Variants in LRRC4C observed in about 807,000 individuals in gnomAD.
LRRC4C encodes the protein leucine rich repeat containing 4C, also known as leucine-rich repeat-containing protein 4C.
LRRC4C carries 5 observed loss-of-function variants against 33.6 expected under a neutral mutation model. The ratio of observed to expected loss-of-function variants is 0.15; its 90% confidence interval spans 0.08 to 0.31. The LOEUF (loss-of-function observed/expected upper bound fraction) is 0.31. LRRC4C is among the 10% of genes least tolerant of loss of function. LRRC4C has a pLI of 1.00. For missense variants in LRRC4C, 560 were observed against 796.7 expected (o/e 0.70, Z 3.58); for synonymous variants, 329 against 302.0 (o/e 1.09, Z -0.93).
intron 3 of LRRC4C, among the ~76,000 whole-genome samples, chr11:40,515,650 C>G (rs1178074574): frequency 6.6e-6 from 1 of 151,960 alleles, no homozygotes; most frequent in Non-Finnish European, 1.5e-5. Context: ...CTGTACTAGA[C>G]TGTAAGACTT....
At chr11:40,280,079 A>C (rs951014330) in intron 4 of LRRC4C, among the ~76,000 whole-genome samples, 3 of 152,194 alleles carry the variant, frequency 2.0e-5, no homozygotes, top group African/African-American at 7.2e-5. Flanking sequence ...AAAAGGAAAC[A>C]TCTGGGTGCC....
chr11:41,290,193 A>G lies in LRRC4C; in HGVS notation c.-496+169238T>C, dbSNP rs953565892. Among the ~76,000 whole-genome samples, 14 of 152,334 alleles carry G rather than the reference A, an allele frequency of 9.2e-5. No homozygotes were observed. The East Asian group carries it at 1.5e-3, about 17-fold the overall frequency. On this transcript the variant is annotated intron_variant, in intron 1 of 6. Coordinates refer to ENST00000528697, the MANE Select transcript of LRRC4C (RefSeq NM_001258419.2). ...GAAAGATTTCCCATAATGACAAGAA[A>G]GCAGTTAGTTTAATGATGTAGTATG...
intron 1 of LRRC4C, among the ~76,000 whole-genome samples, chr11:41,113,052 T>C (rs769657501): frequency 5.3e-5 from 8 of 152,120 alleles, no homozygotes; most frequent in African/African-American, 9.7e-5. Context: ...AGACATATTA[T>C]GATATTTTAA....
At chr11:41,085,847 T>G (rs1939934390) in intron 1 of LRRC4C, among the ~76,000 whole-genome samples, 1 of 143,290 alleles carries the variant, frequency 7.0e-6, no homozygotes. Context: ...ACTGGCAATC[T>G]CAATACAAAG....
At chr11:41,157,377 G>T (rs183653338) in intron 1 of LRRC4C, among the ~76,000 whole-genome samples, 7 of 152,078 alleles carry the variant, frequency 4.6e-5, no homozygotes, top group South Asian at 2.1e-4. Flanking sequence ...ACATCACAAA[G>T]GTTGTGCGAG....
intron 3 of LRRC4C, among the ~76,000 whole-genome samples, chr11:40,557,276 T>G (rs1957368525): frequency 6.6e-6 from 1 of 152,074 alleles, no homozygotes. Flanking sequence ...ACTTTAGAAG[T>G]AGATCTGGTT....
chr11:40,363,203 A>G (rs938699094), intron 3 of LRRC4C, among the ~76,000 whole-genome samples: 1 of 152,236 alleles, frequency 6.6e-6, no homozygotes, highest in African/African-American at 2.4e-5. Context: ...TGGTACATAT[A>G]CACTATGGAA....
chr11:41,205,749 G>A (rs1196398758), intron 1 of LRRC4C, among the ~76,000 whole-genome samples: 2 of 152,100 alleles, frequency 1.3e-5, no homozygotes, highest in Non-Finnish European at 2.9e-5. Flanking sequence ...TACTCCAAGG[G>A]TTTCCAGTAC....
intron 1 of LRRC4C, among the ~76,000 whole-genome samples, chr11:41,083,377 A>C (rs1305041139): frequency 1.3e-5 from 2 of 152,152 alleles, no homozygotes; most frequent in African/African-American, 4.8e-5. Context: ...TCTTTTTATC[A>C]AAACCTAAGG....
At chr11:40,498,091 C>T (rs969414168) in intron 3 of LRRC4C, among the ~76,000 whole-genome samples, 1 of 152,118 alleles carries the variant, frequency 6.6e-6, no homozygotes, top group Admixed American at 6.6e-5. Flanking sequence ...TTAGCTTATA[C>T]AGTTACTTGA....
At chr11:41,304,993 T>A (rs1950442077) in intron 1 of LRRC4C, among the ~76,000 whole-genome samples, 1 of 77,420 alleles carries the variant, frequency 1.3e-5, no homozygotes, top group Non-Finnish European at 2.5e-5. Flanking sequence ...CCGCCCCTAC[T>A]GGGAAGTGAG....
chr11:40,470,641 T>C (rs1952886464), intron 3 of LRRC4C, among the ~76,000 whole-genome samples: 1 of 152,088 alleles, frequency 6.6e-6, no homozygotes, highest in Admixed American at 6.5e-5. Flanking sequence ...AACCTTGATA[T>C]AAGGTTACAG....
In LRRC4C at chr11:40,842,105, G is replaced by C. The variant is rs565858385; in HGVS notation, c.-407+91530C>G. Reference sequence around the variant, plus strand: ...ATGCTTCACAGTGCAAGGTTATTACGCAGTTGGACTACAATAGTTGATGTT... The same window carrying C: ...ATGCTTCACAGTGCAAGGTTATTACCCAGTTGGACTACAATAGTTGATGTT... On this transcript the variant is annotated intron_variant, in intron 2 of 6. Coordinates refer to ENST00000528697, the MANE Select transcript of LRRC4C (RefSeq NM_001258419.2). 9.2e-5 allele frequency among the ~76,000 whole-genome samples: 14 copies of C among 152,254 alleles called. No individual in the cohort carries two copies. The South Asian group carries it at 1.0e-3, about 11-fold the overall frequency.
chr11:41,392,578 G>T (rs916733304), intron 1 of LRRC4C, among the ~76,000 whole-genome samples: 1 of 150,852 alleles, frequency 6.6e-6, no homozygotes, highest in East Asian at 2.0e-4. Context: ...AAAAAACATC[G>T]TTACCTAGAA....
intron 1 of LRRC4C, among the ~76,000 whole-genome samples, chr11:41,218,939 T>G (rs1947183679): frequency 6.6e-6 from 1 of 151,372 alleles, no homozygotes; most frequent in Admixed American, 6.6e-5. Context: ...GGCTAAATTT[T>G]TGTGTGTGTT....
At chr11:40,327,752 A>T (rs913468719) in intron 3 of LRRC4C, among the ~76,000 whole-genome samples, 1 of 152,052 alleles carries the variant, frequency 6.6e-6, no homozygotes, top group African/African-American at 2.4e-5. Context: ...TTAAACTCCA[A>T]CAAAAATATC....
At chr11:40,187,774 T>G (rs1046031528) in intron 5 of LRRC4C, among the ~76,000 whole-genome samples, 3 of 152,120 alleles carry the variant, frequency 2.0e-5, no homozygotes, top group African/African-American at 7.2e-5. Flanking sequence ...CAAATGACTT[T>G]CATAGATGAG....
intron 2 of LRRC4C, among the ~76,000 whole-genome samples, chr11:40,801,247 A>G (rs1951029448): frequency 6.6e-6 from 1 of 152,030 alleles, no homozygotes; most frequent in South Asian, 2.1e-4. Flanking sequence ...AATTTTATCT[A>G]TTTTCCACAG....
At chr11:40,213,532 C>T (rs1863759805) in intron 5 of LRRC4C, among the ~76,000 whole-genome samples, 3 of 152,098 alleles carry the variant, frequency 2.0e-5, no homozygotes, top group African/African-American at 7.2e-5. Flanking sequence ...TTGTGGTCTC[C>T]CCTTCCTAGT....
Sources: gnomAD v4.1 joint callset for allele counts (sites outside exome capture counted in the v4.1 genomes callset) on GRCh38, gnomAD v4.1.1 for gene constraint, MANE v1.5 for transcripts, NCBI Gene and HGNC (gene_info 2026-07-23, HGNC 2026-07-21) for gene names.